CTNNA2: variants seen among roughly 807,000 people sequenced by gnomAD.
The protein encoded by CTNNA2 is catenin alpha-2.
A neutral mutation model predicts 101.0 loss-of-function variants in CTNNA2; 42 were observed. The observed-to-expected ratio is 0.42, with a 90% CI of 0.32 to 0.54. CTNNA2 has a LOEUF of 0.54. CTNNA2 is among the 20% of genes least tolerant of loss of function. The pLI is 0.14. For missense variants in CTNNA2, 871 were observed against 1,223.1 expected, an observed-to-expected ratio of 0.71 and a Z score of 4.29; for synonymous variants, 450 against 456.4, an observed-to-expected ratio of 0.99 and a Z score of 0.18.
intron 7 of CTNNA2, among the ~76,000 whole-genome samples, chr2:80,210,651 G>C (rs2149034535): frequency 6.6e-6 from 1 of 152,194 alleles, no homozygotes; most frequent in Middle Eastern, 3.4e-3. Context: ...CTTTGCTATT[G>C]TGAATAGTGC....
chr2:79,434,619 T>C (rs1271989964), intron 4 of CTNNA2, among the ~76,000 whole-genome samples: 4 of 152,018 alleles, frequency 2.6e-5, no homozygotes, highest in Non-Finnish European at 5.9e-5. Context: ...GAGCTCTGGG[T>C]GATGCCAAAT....
chr2:80,512,169 A>T (rs993414236), intron 9 of CTNNA2, among the ~76,000 whole-genome samples: 1 of 150,594 alleles, frequency 6.6e-6, no homozygotes, highest in Non-Finnish European at 1.5e-5. Context: ...AAAAAAAAAA[A>T]AAAAAAGTAT....
chr2:80,151,448 A>G (rs757903728), intron 7 of CTNNA2, among the ~76,000 whole-genome samples: 2 of 152,176 alleles, frequency 1.3e-5, no homozygotes, highest in African/African-American at 2.4e-5. Flanking sequence ...TAGCTGTACA[A>G]TGATTGTGAA....
intron 9 of CTNNA2, among the ~76,000 whole-genome samples, chr2:80,459,712 T>C (rs1042971635): frequency 2.3e-4 from 35 of 152,184 alleles, no homozygotes; most frequent in African/African-American, 8.2e-4. Context: ...TTCCTCCTGC[T>C]ATTCTGTACT....
chr2:80,598,355 G>A (rs555294017), intron 15 of CTNNA2, among the ~76,000 whole-genome samples: 3 of 151,982 alleles, frequency 2.0e-5, no homozygotes, highest in East Asian at 1.9e-4. Context: ...TAACACATGC[G>A]GGGCTTAAAA....
chr2:79,467,400 A>C (rs917778839), intron 4 of CTNNA2, among the ~76,000 whole-genome samples: 1 of 152,224 alleles, frequency 6.6e-6, no homozygotes, highest in Non-Finnish European at 1.5e-5. Flanking sequence ...TCTACGTCTG[A>C]TTGGTGTACC....
intron 7 of CTNNA2, among the ~76,000 whole-genome samples, chr2:80,336,348 TG>T (rs2149270808): frequency 6.6e-6 from 1 of 152,244 alleles, no homozygotes; most frequent in African/African-American, 2.4e-5. Context: ...CACTGGGGAT[TG>T]GGTTTTAACA....
In CTNNA2 at chr2:79,340,751, C is replaced by G. The variant is rs191335333; in HGVS notation, c.-318+27955C>G. ...GGGGAGGCTGAGGCAGGAGAATGGC[C>G]TGAACCCGGGAGGCGGAGCTTGCAG... is the stretch of plus-strand genomic sequence containing the variant. On this transcript the variant is annotated intron_variant, in intron 3 of 21. Coordinates refer to the CTNNA2 transcript ENST00000466387. 7.2e-3 allele frequency among the ~76,000 whole-genome samples: 1,049 copies of G among 145,500 alleles called. 7 individuals are homozygous for G. Among genetic ancestry groups the G allele is most frequent in the African/African-American group, 0.012 (474 of 39,302 alleles).
rs115132432 is a variant in CTNNA2 at position 79,314,196 on chromosome 2, G to A, written c.-318+1400G>A. On this transcript the variant is annotated intron_variant, in intron 3 of 21. Coordinates refer to the CTNNA2 transcript ENST00000466387. ...CAGACTCTAACCACCAGTATTTCAG[G>A]CCCAAGGGATCTCAGACTTGTCATT... Among the ~76,000 whole-genome samples, 273 of 152,218 alleles carry A rather than the reference G, an allele frequency of 1.8e-3. 2 individuals carry two copies. The highest frequency in any genetic ancestry group is 6.4e-3 in the African/African-American group (267 of 41,542).
chr2:80,017,709 C>A (rs1383588946), intron 7 of CTNNA2, among the ~76,000 whole-genome samples: 1 of 152,006 alleles, frequency 6.6e-6, no homozygotes, highest in African/African-American at 2.4e-5. Flanking sequence ...GGCCTGGGGC[C>A]TCTATTTCTG....
In CTNNA2 at chr2:80,210,795, T is replaced by A. The variant is rs535908650; in HGVS notation, c.1057-182416T>A. 5.6e-4 allele frequency among the ~76,000 whole-genome samples: 86 copies of A among 152,320 alleles called. 1 individual carries two copies. The highest frequency in any genetic ancestry group is 3.4e-3 in the Middle Eastern group (1 of 294). ...AGATCGTTGAGGAATCGCCACAGTG[T>A]CTTCCACAATGATTGAACTAGTTTA... On this transcript the variant is annotated intron_variant, in intron 7 of 18. Transcript: ENST00000402739.
chr2:80,331,821 C>T (rs1270080799), intron 7 of CTNNA2, among the ~76,000 whole-genome samples: 1 of 152,154 alleles, frequency 6.6e-6, no homozygotes, highest in African/African-American at 2.4e-5. Flanking sequence ...CTGCTCCCCT[C>T]CAGAATCTTG....
chr2:80,559,878 T>TATCTATCTATCTATCTATCTATA (rs1693393440), intron 12 of CTNNA2, among the ~76,000 whole-genome samples: 4 of 113,930 alleles, frequency 3.5e-5, no homozygotes, highest in African/African-American at 1.2e-4. Flanking sequence ...GATATCATAT[T>TATCTATCTATCTATCTATCTATA]TATATATATA....
chr2:80,065,068 C>T (rs951883616), intron 7 of CTNNA2, among the ~76,000 whole-genome samples: 1 of 152,026 alleles, frequency 6.6e-6, no homozygotes, highest in South Asian at 2.1e-4. Flanking sequence ...AAATTTCACT[C>T]AAAAAGAATT....
intron 3 of CTNNA2, among the ~76,000 whole-genome samples, chr2:79,833,433 A>G (rs556903999): frequency 1.3e-5 from 2 of 152,148 alleles, no homozygotes; most frequent in Non-Finnish European, 2.9e-5. Context: ...TGCTTTCAGC[A>G]TCCTTCTCTC....
chr2:79,244,609 C>CAG (rs1359765805), intron 2 of CTNNA2, among the ~76,000 whole-genome samples: 1 of 152,176 alleles, frequency 6.6e-6, no homozygotes, highest in Admixed American at 6.5e-5. Context: ...TCACAGGGTT[C>CAG]ATGCAAACCC....
Position 79,224,583 on chromosome 2 carries a change from A to G in CTNNA2, c.-406+26507A>G, listed in dbSNP as rs375942083. On this transcript the variant is annotated intron_variant, in intron 2 of 21. Transcript: ENST00000466387. The stretch of plus-strand genomic sequence containing the variant: ...TATTAACTAAATTTCAATATTCATT[A>G]TTTTATGTAAAACTTACATGCAATG... Among the ~76,000 whole-genome samples the G allele has an allele frequency of 3.8e-3, 577 of 152,182 alleles. 1 individual carries two copies. Among genetic ancestry groups the G allele is most frequent in the South Asian group, 7.7e-3 (37 of 4,824 alleles).
chr2:79,981,567 C>T (rs989599823), intron 7 of CTNNA2, among the ~76,000 whole-genome samples: 4 of 152,084 alleles, frequency 2.6e-5, no homozygotes, highest in African/African-American at 9.7e-5. Context: ...TTACAGACTC[C>T]TAACTCTAAC....
At chr2:79,399,720 GA>G (rs1271825091) in intron 4 of CTNNA2, among the ~76,000 whole-genome samples, 1 of 151,952 alleles carries the variant, frequency 6.6e-6, no homozygotes, top group African/African-American at 2.4e-5. Flanking sequence ...AAAGAAACAA[GA>G]AAATAGGCCT....
Sources: gnomAD v4.1 joint callset for allele counts (sites outside exome capture counted in the v4.1 genomes callset) on GRCh38, gnomAD v4.1.1 for gene constraint, MANE v1.5 for transcripts, NCBI Gene and HGNC (gene_info 2026-07-23, HGNC 2026-07-21) for gene names.